Variants in SIRPA observed in about 807,000 individuals in gnomAD.
The protein encoded by SIRPA is signal regulatory protein alpha.
A neutral mutation model predicts 50.3 loss-of-function variants in SIRPA; 9 were observed. The ratio of observed to expected loss-of-function variants is 0.18; its 90% CI spans 0.11 to 0.31. The LOEUF (loss-of-function observed/expected upper bound fraction) is 0.31. SIRPA is among the 10% of genes least tolerant of loss of function. The pLI is 1.00. For synonymous variants in SIRPA, 265 were observed against 284.1 expected (o/e 0.93, Z 0.68); for missense variants, 474 against 661.6 (o/e 0.72, Z 3.11).
rs908532102 is a variant in SIRPA at position 1,936,267 on chromosome 20, G to C, written c.1267-1053G>C. 6.6e-6 allele frequency among the ~76,000 whole-genome samples: 1 copy of C among 152,188 alleles called. No homozygotes were observed. Among genetic ancestry groups the C allele is most frequent in the Non-Finnish European group, 1.5e-5 (1 of 68,042 alleles). The stretch of plus-strand genomic sequence containing the variant: ...TTGAGGCGGCAGTGGCAGGTTGATA[G>C]GATTAGCACATGGGAGGTATCCAAG... On this transcript the variant is annotated intron_variant, in intron 7 of 7. Transcript: ENST00000358771. The surrounding 1 kb of genome is among the most constrained non-coding windows in gnomAD (Gnocchi z 4.2).
chr20:1,919,223 A>G (rs1985497998), intron 2 of SIRPA, among the ~76,000 whole-genome samples: 1 of 152,260 alleles, frequency 6.6e-6, no homozygotes, highest in South Asian at 2.1e-4. Flanking sequence ...ACATTGAAAT[A>G]AATCCCAGGC....
intron 1 of SIRPA, among the ~76,000 whole-genome samples, 189 bp from the exon 2 acceptor site, chr20:1,914,910 C>A (rs138455072): frequency 2.0e-3 from 299 of 152,258 alleles, no homozygotes; most frequent in Middle Eastern, 3.4e-3. Flanking sequence ...GCCTCAGTGT[C>A]CCCACTTAGA....
rs956225819 is a variant in SIRPA at position 1,934,677 on chromosome 20, T to C, written c.1227-38T>C. On this transcript the variant is annotated intron_variant, in intron 6 of 7. Transcript: ENST00000358771. This position sits in a 1 kb window ranked among gnomAD's most constrained non-coding sequence, Gnocchi z 4.6. ...CAGTTTGCATGAGCACTTGAGATAGTGAGGGTATTTTTATCTGTGTGTCTC... is the reference window on the plus strand; with the variant it reads ...CAGTTTGCATGAGCACTTGAGATAGCGAGGGTATTTTTATCTGTGTGTCTC... 3 of 1,607,382 alleles carry C rather than the reference T, an allele frequency of 1.9e-6. No homozygotes were observed. Among genetic ancestry groups the C allele is most frequent in the African/African-American group, 1.3e-5 (1 of 74,858 alleles).
intron 6 of SIRPA, among the ~76,000 whole-genome samples, chr20:1,930,526 C>T (rs1986241135): frequency 6.6e-6 from 1 of 152,246 alleles, no homozygotes; most frequent in South Asian, 2.1e-4. Context: ...TAAAATGCTG[C>T]TTCCCAGTGG....
chr20:1,920,529 C>T (rs927519061), intron 2 of SIRPA, among the ~76,000 whole-genome samples: 2 of 152,170 alleles, frequency 1.3e-5, no homozygotes, highest in Non-Finnish European at 2.9e-5. Context: ...TGCTTGGGCG[C>T]CCTGTGTCTG....
Position 1,927,335 on chromosome 20 carries a change from T to A in SIRPA, c.1202-540T>A, listed in dbSNP as rs1451459019. Among the ~76,000 whole-genome samples the A allele has an allele frequency of 1.3e-5, 2 of 152,138 alleles. No homozygotes were observed. The highest frequency in any genetic ancestry group is 1.3e-4 in the Admixed American group (2 of 15,268). ...GACACTTTCTTTCCTTCCAAGATCC[T>A]TTTTTTGGAAAGTGGTGGCATGTAA... On this transcript the variant is annotated intron_variant, in intron 5 of 7. Coordinates refer to ENST00000358771, the MANE Select transcript of SIRPA (RefSeq NM_001040023.2). The surrounding 1 kb of genome is among the most constrained non-coding windows in gnomAD (Gnocchi z 6.5).
In SIRPA at chr20:1,932,029, T is replaced by C. The variant is rs908139818; in HGVS notation, c.1227-2686T>C. Among the ~76,000 whole-genome samples the C allele has an allele frequency of 1.3e-5, 2 of 152,084 alleles. No individual in the cohort carries two copies. The highest frequency in any genetic ancestry group is 4.8e-5 in the African/African-American group (2 of 41,400). Reference sequence around the variant, plus strand: ...CAGAAAAGGCCCACCCCTGGTCTCATGGCACTTAAGAGCCAGTGAGAAAGA... The same window carrying C: ...CAGAAAAGGCCCACCCCTGGTCTCACGGCACTTAAGAGCCAGTGAGAAAGA... On this transcript the variant is annotated intron_variant, in intron 6 of 7. Transcript: ENST00000358771. This position sits in a 1 kb window ranked among gnomAD's most constrained non-coding sequence, Gnocchi z 6.0.
chr20:1,896,033 T>G (rs1409849219), intron 1 of SIRPA, among the ~76,000 whole-genome samples: 1 of 152,102 alleles, frequency 6.6e-6, no homozygotes. Context: ...CTCCCTCTGG[T>G]GCGCAGAGTA....
intron 1 of SIRPA, among the ~76,000 whole-genome samples, chr20:1,909,718 G>T (rs1470088735): frequency 6.6e-6 from 1 of 152,160 alleles, no homozygotes; most frequent in Non-Finnish European, 1.5e-5. Flanking sequence ...GGAGGTGGAG[G>T]TTGCAGTGAG....
chr20:1,918,360 C>CCTTTTTTTTTTT lies in SIRPA; in HGVS notation c.436+2905_436+2906insCTTTTTTTTTTT, dbSNP rs745958149. ...ACAGGGGCACCCACCACCACACCAG[C>CCTTTTTTTTTTT]TTTTTTTTTTTTTTTTTTTTTTTGT... On this transcript the variant is annotated intron_variant, in intron 2 of 7. Transcript: ENST00000358771. Among the ~76,000 whole-genome samples, 35 of 95,664 alleles carry CCTTTTTTTTTTT rather than the reference C, an allele frequency of 3.7e-4. 1 individual carries two copies. Among genetic ancestry groups the CCTTTTTTTTTTT allele is most frequent in the Non-Finnish European group, 4.1e-4 (20 of 49,052 alleles). 62.8% of individuals were successfully genotyped at this position (95,664 alleles called of 152,430 possible).
rs1379301909 is a variant in SIRPA at position 1,934,358 on chromosome 20, C to CT, written c.1227-355dup. On this transcript the variant is annotated intron_variant, in intron 6 of 7. Coordinates refer to ENST00000358771, the MANE Select transcript of SIRPA (RefSeq NM_001040023.2). This position sits in a 1 kb window ranked among gnomAD's most constrained non-coding sequence, Gnocchi z 4.6. ...AAAGGATGAGGACATCTTCCAAGCT[C>CT]TTGATTTTGCCAGCTGCTTCCCAAA... is the stretch of plus-strand genomic sequence containing the variant. Among the ~76,000 whole-genome samples the CT allele has an allele frequency of 6.6e-6, 1 of 152,186 alleles. No individual in the cohort carries two copies. Among genetic ancestry groups the CT allele is most frequent in the African/African-American group, 2.4e-5 (1 of 41,440 alleles).
Position 1,928,808 on chromosome 20 carries a change from C to T in SIRPA, c.1226+909C>T, listed in dbSNP as rs78008167. On this transcript the variant is annotated intron_variant, in intron 6 of 7. Coordinates refer to ENST00000358771, the MANE Select transcript of SIRPA (RefSeq NM_001040023.2). This position sits in a 1 kb window ranked among gnomAD's most constrained non-coding sequence, Gnocchi z 4.9. Reference sequence around the variant, plus strand: ...ATAAGGTCAGGAAGACCCAGGTCCTCGGCATCCCGGTGTCCTTTGCAGATG... The same window carrying T: ...ATAAGGTCAGGAAGACCCAGGTCCTTGGCATCCCGGTGTCCTTTGCAGATG... 1.5e-3 allele frequency among the ~76,000 whole-genome samples: 221 copies of T among 152,278 alleles called. No homozygotes were observed. The highest frequency in any genetic ancestry group is 5.1e-3 in the African/African-American group (212 of 41,546).
In SIRPA at chr20:1,927,985, C is replaced by T; in HGVS notation, c.1226+86C>T. The T allele has an allele frequency of 1.8e-6, 2 of 1,093,906 alleles. No homozygotes were observed. Among genetic ancestry groups the T allele is most frequent in the Non-Finnish European group, 2.8e-6 (2 of 705,356 alleles). The allele number at this position is 1,093,906 out of a possible 1,614,324, so 67.8% of individuals were successfully genotyped here. ...CAGACTACAAAGCATAATCCATGTC[C>T]ACTGACCTCACCAATGTGTTGGTCA... On this transcript the variant is annotated intron_variant, in intron 6 of 7. Transcript: ENST00000358771. The surrounding 1 kb of genome is among the most constrained non-coding windows in gnomAD (Gnocchi z 6.5).
rs146888705 is a variant in SIRPA at position 1,905,107 on chromosome 20, A to G, written c.79+9581A>G. 2.6e-3 allele frequency among the ~76,000 whole-genome samples: 401 copies of G among 152,332 alleles called. 2 individuals are homozygous for G. The highest frequency in any genetic ancestry group is 8.8e-3 in the African/African-American group (366 of 41,566). On this transcript the variant is annotated intron_variant, in intron 1 of 7. Coordinates refer to ENST00000358771, the MANE Select transcript of SIRPA (RefSeq NM_001040023.2). Reference sequence around the variant, plus strand: ...TTTGCAAGCTGCAAAATGCTCTATAAAAGGAATCAGTGAATAGTGTCAGCT... The same window carrying G: ...TTTGCAAGCTGCAAAATGCTCTATAGAAGGAATCAGTGAATAGTGTCAGCT...
At chr20:1,901,834 C>G (rs1432904463) in intron 1 of SIRPA, among the ~76,000 whole-genome samples, 1 of 152,120 alleles carries the variant, frequency 6.6e-6, no homozygotes, top group South Asian at 2.1e-4. Context: ...ATCAGGTGCT[C>G]GGATCAGGAG....
At chr20:1,905,761 C>G (rs1984508746) in intron 1 of SIRPA, among the ~76,000 whole-genome samples, 2 of 152,252 alleles carry the variant, frequency 1.3e-5, no homozygotes, top group Non-Finnish European at 2.9e-5. Flanking sequence ...GATATTTACA[C>G]AGATTTGCAG....
At position 1,939,247 on chromosome 20, in the gene SIRPA, T is replaced by C. The variant is rs946384737; in HGVS notation, c.*1679T>C. On this transcript the variant is annotated 3_prime_UTR_variant, in exon 8 of 8. Transcript: ENST00000358771. This position sits in a 1 kb window ranked among gnomAD's most constrained non-coding sequence, Gnocchi z 4.7. ...TCCTGGCCTTGGGATGCCCAAGGGATTTCTGGCTCAGGCTGTAAAAGTAGC... is the reference window on the plus strand; with the variant it reads ...TCCTGGCCTTGGGATGCCCAAGGGACTTCTGGCTCAGGCTGTAAAAGTAGC... The C allele has an allele frequency of 6.6e-6, 1 of 152,254 alleles. No homozygotes were observed. The highest frequency in any genetic ancestry group is 2.4e-5 in the African/African-American group (1 of 41,468). The allele number at this position is 152,254 out of a possible 1,614,324, so 9.4% of individuals were successfully genotyped here.
rs930691182 is a variant in SIRPA at position 1,926,527 on chromosome 20, C to T, written c.1202-1348C>T. The stretch of plus-strand genomic sequence containing the variant: ...AGGCCACCCAGCCCGAGTGGCAGGT[C>T]TGTGTGCAGAGCCTAGCTCTCAAAC... On this transcript the variant is annotated intron_variant, in intron 5 of 7. Coordinates refer to ENST00000358771, the MANE Select transcript of SIRPA (RefSeq NM_001040023.2). Among the ~76,000 whole-genome samples, 97 of 152,376 alleles carry T rather than the reference C, an allele frequency of 6.4e-4. 1 individual carries two copies. Among genetic ancestry groups the T allele is most frequent in the African/African-American group, 2.0e-3 (85 of 41,588 alleles).
rs1051865641 is a variant in SIRPA at position 1,924,534 on chromosome 20, A to C, written c.1088-230A>C. ...GGTTCCTCCGTAGCTGTCAGCTACAAATATATTCCCCCCTGGCACCTCAGC... is the reference window on the plus strand; with the variant it reads ...GGTTCCTCCGTAGCTGTCAGCTACACATATATTCCCCCCTGGCACCTCAGC... On this transcript the variant is annotated intron_variant, in intron 4 of 7. Transcript: ENST00000358771. The surrounding 1 kb of genome is among the most constrained non-coding windows in gnomAD (Gnocchi z 4.5). Among the ~76,000 whole-genome samples the C allele has an allele frequency of 2.6e-5, 4 of 152,172 alleles. No individual in the cohort carries two copies. Among genetic ancestry groups the C allele is most frequent in the Non-Finnish European group, 5.9e-5 (4 of 68,024 alleles).
Sources: allele counts gnomAD v4.1 joint callset (sites outside exome capture counted in the v4.1 genomes callset), GRCh38; gene constraint gnomAD v4.1.1; non-coding constraint Gnocchi (gnomAD v3.1); transcripts MANE v1.5; gene names NCBI Gene and HGNC (gene_info 2026-07-23, HGNC 2026-07-21).